SNX29: variants seen among roughly 807,000 people sequenced by gnomAD.
SNX29 encodes the protein sorting nexin 29.
SNX29 carries 78 observed loss-of-function variants against 102.1 expected under a neutral mutation model. That is an observed-to-expected ratio of 0.76 (90% CI 0.64 to 0.92). SNX29 has a LOEUF of 0.92. SNX29 is among the 40% of genes least tolerant of loss of function. SNX29 has a pLI of 0.00. For missense variants in SNX29, 1,280 were observed against 1,061.7 expected (o/e 1.21, Z -2.86); for synonymous variants, 580 against 414.5 (o/e 1.40, Z -4.85).
At chr16:12,221,044 A>G (rs1187757204) in intron 14 of SNX29, among the ~76,000 whole-genome samples, 1 of 152,212 alleles carries the variant, frequency 6.6e-6, no homozygotes, top group African/African-American at 2.4e-5. Context: ...GCAGGGGAGC[A>G]AATTAATTTT....
At chr16:12,474,354 C>T (rs1209081561) in intron 18 of SNX29, among the ~76,000 whole-genome samples, 1 of 152,198 alleles carries the variant, frequency 6.6e-6, no homozygotes, top group Non-Finnish European at 1.5e-5. Context: ...GGGAATATCA[C>T]GTCCTGGTCT....
rs118044806 is a variant in SNX29 at position 12,391,716 on chromosome 16, C to T, written c.1900-6730C>T. 2.3e-3 allele frequency among the ~76,000 whole-genome samples: 343 copies of T among 152,220 alleles called. 13 individuals are homozygous for T. In the East Asian group the frequency reaches 0.053, roughly 24 times the overall value. On this transcript the variant is annotated intron_variant, in intron 16 of 20. Coordinates refer to ENST00000566228, the MANE Select transcript of SNX29 (RefSeq NM_032167.5). ...ATTGCAGATGTCGGTATATGTTTCT[C>T]CCAAAATACTTCAGTAGGCACATAG...
chr16:12,344,213 G>A (rs2081704329), intron 15 of SNX29, among the ~76,000 whole-genome samples: 1 of 152,164 alleles, frequency 6.6e-6, no homozygotes, highest in African/African-American at 2.4e-5. Context: ...CCAGTCTTGG[G>A]TATGTCTTTG....
intron 15 of SNX29, among the ~76,000 whole-genome samples, chr16:12,306,255 A>G (rs1159517984): frequency 2.6e-5 from 4 of 152,106 alleles, no homozygotes; most frequent in Non-Finnish European, 5.9e-5. Context: ...TGTACTCTTA[A>G]CCACTGTGGG....
chr16:12,457,117 C>G (rs11646403), intron 18 of SNX29, among the ~76,000 whole-genome samples: 33,633 of 152,152 alleles, frequency 0.22, 3,778 homozygotes, highest in South Asian at 0.34. Flanking sequence ...CAGGGCAGGT[C>G]AAGTCACATT....
Position 12,573,159 on chromosome 16 carries a change from C to A in SNX29, c.*4530C>A, listed in dbSNP as rs1027005896. On this transcript the variant is annotated 3_prime_UTR_variant, in exon 21 of 21. Coordinates refer to ENST00000566228, the MANE Select transcript of SNX29 (RefSeq NM_032167.5). The stretch of plus-strand genomic sequence containing the variant: ...CAAAATAAAGCTTCAGCTCCTTGGT[C>A]AATAGAAGTAAGGGTGTAGCCATCC... 4.4e-6 allele frequency: 1 copy of A among 226,390 alleles called. No individual in the cohort carries two copies. The highest frequency in any genetic ancestry group is 8.8e-6 in the Non-Finnish European group (1 of 113,860). 14.0% of individuals were successfully genotyped at this position (226,390 alleles called of 1,614,324 possible). A position where few individuals can be genotyped will look rare whatever the true frequency, so the allele number is the denominator to read the frequency against.
chr16:12,554,432 G>C (rs1471596506), intron 20 of SNX29, among the ~76,000 whole-genome samples: 2 of 152,198 alleles, frequency 1.3e-5, no homozygotes, highest in African/African-American at 2.4e-5. Flanking sequence ...GTGTCCTGCT[G>C]TTTCCGCACA....
intron 14 of SNX29, among the ~76,000 whole-genome samples, chr16:12,204,882 T>C (rs554019884): frequency 6.6e-6 from 1 of 152,194 alleles, no homozygotes; most frequent in South Asian, 2.1e-4. Context: ...TGCGTGTGCT[T>C]TGTGCTCTGG....
At chr16:12,389,379 T>C (rs2083445895) in intron 16 of SNX29, among the ~76,000 whole-genome samples, 2 of 152,158 alleles carry the variant, frequency 1.3e-5, no homozygotes, top group South Asian at 4.1e-4. Context: ...TTTCCTCCCA[T>C]ACTGTTCTCA....
At chr16:12,128,859 G>A (rs2054334185) in intron 12 of SNX29, among the ~76,000 whole-genome samples, 1 of 152,184 alleles carries the variant, frequency 6.6e-6, no homozygotes. Flanking sequence ...GTAGAATGAA[G>A]TAAATGGTTA....
chr16:12,392,249 A>G (rs13339143), intron 16 of SNX29, among the ~76,000 whole-genome samples: 2,413 of 152,330 alleles, frequency 0.016, 69 homozygotes, highest in African/African-American at 0.054. Context: ...TGTGTTTTAT[A>G]TAACCATTTC....
intron 13 of SNX29, among the ~76,000 whole-genome samples, chr16:12,155,263 G>A (rs1251351648): frequency 6.6e-6 from 1 of 152,224 alleles, no homozygotes; most frequent in Non-Finnish European, 1.5e-5. Flanking sequence ...TAATTATGCA[G>A]CTGAGTGTGC....
rs1239891767 is a variant in SNX29 at position 12,098,287 on chromosome 16, T to C, written c.1402+19372T>C. 6.6e-6 allele frequency among the ~76,000 whole-genome samples: 1 copy of C among 152,246 alleles called. No individual in the cohort carries two copies. The highest frequency in any genetic ancestry group is 1.5e-5 in the Non-Finnish European group (1 of 68,046). The stretch of plus-strand genomic sequence containing the variant: ...TGTTTTGCATAAGTATATATTTACA[T>C]GGAACAAAACTCAAAAGGTACGTAT... On this transcript the variant is annotated intron_variant, in intron 11 of 20. Coordinates refer to ENST00000566228, the MANE Select transcript of SNX29 (RefSeq NM_032167.5). This position sits in a 1 kb window ranked among gnomAD's most constrained non-coding sequence, Gnocchi z 6.0.
At chr16:12,323,506 C>T (rs562224830) in intron 15 of SNX29, among the ~76,000 whole-genome samples, 3 of 134,074 alleles carry the variant, frequency 2.2e-5, no homozygotes, top group Admixed American at 2.2e-4. Context: ...CTGTAGTCTG[C>T]CTAGAGGTTT....
intron 18 of SNX29, among the ~76,000 whole-genome samples, chr16:12,430,112 C>T (rs888565842): frequency 2.0e-5 from 3 of 152,198 alleles, no homozygotes; most frequent in Admixed American, 6.5e-5. Context: ...ACTGTGCATA[C>T]AAGGGATCTA....
At chr16:12,432,865 C>T (rs1245355822) in intron 18 of SNX29, among the ~76,000 whole-genome samples, 4 of 152,232 alleles carry the variant, frequency 2.6e-5, no homozygotes, top group African/African-American at 9.6e-5. Flanking sequence ...ATGCAACTGC[C>T]AGGGGCAGAA....
chr16:12,086,038 G>A lies in SNX29; in HGVS notation c.1402+7123G>A, dbSNP rs543550583. ...TTTTTTTTTTTTTTTTTGAGATGGA[G>A]TCTCGCTCTGGCTGGAGGGCAGTGG... On this transcript the variant is annotated intron_variant, in intron 11 of 20. Coordinates refer to ENST00000566228, the MANE Select transcript of SNX29 (RefSeq NM_032167.5). 6.3e-5 allele frequency among the ~76,000 whole-genome samples: 9 copies of A among 142,508 alleles called. No individual in the cohort carries two copies. The South Asian group carries it at 1.8e-3, about 28-fold the overall frequency. The allele number at this position is 142,508 out of a possible 152,430, so 93.5% of individuals were successfully genotyped here. A position where few individuals can be genotyped will look rare whatever the true frequency, so the allele number is the denominator to read the frequency against.
intron 3 of SNX29, among the ~76,000 whole-genome samples, chr16:12,026,671 C>G (rs1411450935): frequency 6.6e-6 from 1 of 152,206 alleles, no homozygotes; most frequent in East Asian, 1.9e-4. Context: ...AACTCACAAT[C>G]TGAGTTCACA....
chr16:12,018,137 C>T (rs1288105445), intron 3 of SNX29, among the ~76,000 whole-genome samples: 1 of 152,100 alleles, frequency 6.6e-6, no homozygotes, highest in Non-Finnish European at 1.5e-5. Context: ...TAAGTTTGTA[C>T]ATTAATTTGG....
Sources: gnomAD v4.1 joint callset for allele counts (sites outside exome capture counted in the v4.1 genomes callset) on GRCh38, gnomAD v4.1.1 for gene constraint, Gnocchi (gnomAD v3.1) non-coding constraint, MANE v1.5 for transcripts, NCBI Gene and HGNC (gene_info 2026-07-23, HGNC 2026-07-21) for gene names.